The following KIAA0319 variants were observed in gnomAD, a reference collection of about 807,000 sequenced individuals.
The protein encoded by KIAA0319 is KIAA0319, also known as dyslexia-associated protein KIAA0319.
In KIAA0319, 83 loss-of-function variants were observed where a neutral mutation model predicts 108.4. The ratio of observed to expected loss-of-function variants is 0.77; its 90% CI spans 0.64 to 0.92. The LOEUF (loss-of-function observed/expected upper bound fraction) is 0.92. KIAA0319 is among the 40% of genes least tolerant of loss of function. The pLI, the probability that KIAA0319 is intolerant of heterozygous loss-of-function variation, is 0.00. For missense variants in KIAA0319, 1,195 were observed against 1,322.4 expected (o/e 0.90, Z 1.49); for synonymous variants, 484 against 510.4 (o/e 0.95, Z 0.70).
rs5874995 is a variant in KIAA0319 at position 24,622,319 on chromosome 6, T to TAAAA, written c.-105-21115_-105-21112dup. 3.7e-4 allele frequency among the ~76,000 whole-genome samples: 42 copies of TAAAA among 114,602 alleles called. No individual in the cohort carries two copies. In the East Asian group the frequency reaches 7.1e-3, roughly 19 times the overall value. The allele number at this position is 114,602 out of a possible 152,430, so 75.2% of individuals were successfully genotyped here. ...AAGGACTGCTAGACATTTGAGAAAT[T>TAAAA]AAAAAAAAAAAAAAAAAAGAACATG... is the stretch of plus-strand genomic sequence containing the variant. On this transcript the variant is annotated intron_variant, in intron 1 of 20. Transcript: ENST00000378214.
At chr6:24,586,735 T>C (rs73727341) in intron 4 of KIAA0319, among the ~76,000 whole-genome samples, 22 of 152,332 alleles carry the variant, frequency 1.4e-4, no homozygotes, top group African/African-American at 5.1e-4. Flanking sequence ...AACTTGTTTT[T>C]TTTTTCTCTC....
chr6:24,543,841 C>T (rs577261945), downstream of KIAA0319, among the ~76,000 whole-genome samples: 4 of 152,286 alleles, frequency 2.6e-5, no homozygotes, highest in East Asian at 1.9e-4. Context: ...CCTTCTGGCA[C>T]GAGGGACAGA....
intron 2 of KIAA0319, among the ~76,000 whole-genome samples, chr6:24,600,130 A>C (rs1025473971): frequency 2.0e-5 from 3 of 152,216 alleles, no homozygotes; most frequent in African/African-American, 7.2e-5. Flanking sequence ...AATACCTCAT[A>C]AGAAAAGGGC....
intron 20 of KIAA0319, among the ~76,000 whole-genome samples, chr6:24,550,621 A>T (rs1243726304): frequency 6.6e-6 from 1 of 152,190 alleles, no homozygotes; most frequent in African/African-American, 2.4e-5. Context: ...ATCAATGGCT[A>T]ATTAGATAAC....
At chr6:24,639,256 G>C (rs778179824) in intron 1 of KIAA0319, among the ~76,000 whole-genome samples, 4 of 152,126 alleles carry the variant, frequency 2.6e-5, no homozygotes, top group Non-Finnish European at 5.9e-5. Context: ...ACAAAGAGTA[G>C]ATCCTATAAG....
At chr6:24,548,694 GGTTT>G (rs1046808360) in intron 20 of KIAA0319, among the ~76,000 whole-genome samples, 6 of 152,156 alleles carry the variant, frequency 3.9e-5, no homozygotes, top group East Asian at 3.8e-4. Context: ...GAAAAAAACT[GGTTT>G]GTTTGGAGCA....
chr6:24,632,462 T>C (rs752787004), intron 1 of KIAA0319, among the ~76,000 whole-genome samples: 1 of 152,244 alleles, frequency 6.6e-6, no homozygotes. Context: ...AAGATGAAAA[T>C]GAGTCTGGTC....
chr6:24,582,377 T>C (rs1219722527), intron 5 of KIAA0319, 31 bp from the exon 6 acceptor site: 3 of 1,358,832 alleles, frequency 2.2e-6, no homozygotes, highest in South Asian at 1.2e-5. Flanking sequence ...TGAGTAGTTA[T>C]AAATTCTGAG....
chr6:24,590,241 C>A (rs1305437307), intron 3 of KIAA0319, among the ~76,000 whole-genome samples: 1 of 151,068 alleles, frequency 6.6e-6, no homozygotes, highest in South Asian at 2.1e-4. Context: ...CTACTGGGTT[C>A]CAGATATTTA....
chr6:24,578,264 A>T (rs746574495), intron 8 of KIAA0319, 22 bp from the exon 9 acceptor site: 1 of 1,532,630 alleles, frequency 6.5e-7, no homozygotes, highest in Non-Finnish European at 8.9e-7. Context: ...AGAAATAAAG[A>T]CAAGAATGAA....
At chr6:24,559,638 T>C (rs1427617753) in intron 16 of KIAA0319, among the ~76,000 whole-genome samples, 2 of 150,892 alleles carry the variant, frequency 1.3e-5, no homozygotes, top group East Asian at 3.9e-4. Context: ...AAAGGAGCAA[T>C]GTATAAATGT....
Position 24,576,445 on chromosome 6 carries a change from T to A in KIAA0319, c.1657A>T (p.Ser553Cys), listed in dbSNP as rs1411536935. The change falls in exon 10 of 21, where the codon AGC (serine) becomes TGC (cysteine). Residue 553 changes from serine to cysteine, a missense_variant. Transcript: ENST00000378214. The part of the protein sequence containing the change: ...QNSITLNGNQ[S>C]SDDHQIVLYE... ...AGGACAATCTGGTGATCGTCACTGCTCTGGTTTCCATTCAAAGTGATGGAG... is the reference window on the plus strand; with the variant it reads ...AGGACAATCTGGTGATCGTCACTGCACTGGTTTCCATTCAAAGTGATGGAG... The A allele has an allele frequency of 1.9e-6, 3 of 1,614,138 alleles. No homozygotes were observed. Among genetic ancestry groups the A allele is most frequent in the Non-Finnish European group, 2.5e-6 (3 of 1,180,024 alleles).
chr6:24,640,562 G>A (rs570805958), intron 1 of KIAA0319, among the ~76,000 whole-genome samples: 6 of 152,248 alleles, frequency 3.9e-5, no homozygotes, highest in South Asian at 2.1e-4. Context: ...AGAGATCTGC[G>A]CTTTATTTAG....
intron 17 of KIAA0319, among the ~76,000 whole-genome samples, chr6:24,558,006 C>T (rs1762537552): frequency 6.6e-6 from 1 of 152,000 alleles, no homozygotes; most frequent in African/African-American, 2.4e-5. Flanking sequence ...TAAAAATTTT[C>T]TTTGGATGGT....
At position 24,558,370 on chromosome 6, in the gene KIAA0319, TAG is replaced by T. The variant is rs149479574; in HGVS notation, c.2734+641_2734+642del. ...GTAGATGGATATATATATATCTAGA[TAG>T]ATAGATAGATAGATAGATAGATAGA... On this transcript the variant is annotated intron_variant, in intron 17 of 20. Coordinates refer to ENST00000378214, the MANE Select transcript of KIAA0319 (RefSeq NM_014809.4). Among the ~76,000 whole-genome samples the T allele has an allele frequency of 5.3e-3, 161 of 30,606 alleles. 1 individual carries two copies. Among genetic ancestry groups the T allele is most frequent in the Non-Finnish European group, 0.015 (121 of 8,004 alleles). The allele number at this position is 30,606 out of a possible 152,430, so 20.1% of individuals were successfully genotyped here. A position where few individuals can be genotyped will look rare whatever the true frequency, so the allele number is the denominator to read the frequency against.
chr6:24,596,050 C>G lies in KIAA0319; in HGVS notation c.624G>C (p.Glu208Asp). The change falls in exon 3 of 21, where the codon GAG (glutamate) becomes GAC (aspartate). Residue 208 changes from glutamate (E) to aspartate (D), a missense_variant. Transcript: ENST00000378214. The stretch of plus-strand genomic sequence containing the variant: ...AATGGAGCTCAGGGTCCTGCTGCGT[C>G]TCCGCTGGCACCGCAGGACTGTCTC... The part of the protein sequence containing the change: ...SVGDSPAVPA[E>D]TQQDPELHYL... The G allele has an allele frequency of 6.2e-7, 1 of 1,614,070 alleles. No homozygotes were observed. Among genetic ancestry groups the G allele is most frequent in the Non-Finnish European group, 8.5e-7 (1 of 1,179,956 alleles).
intron 1 of KIAA0319, among the ~76,000 whole-genome samples, chr6:24,636,694 T>C (rs565030995): frequency 6.6e-6 from 1 of 152,220 alleles, no homozygotes; most frequent in South Asian, 2.1e-4. Flanking sequence ...ATGGATGAGA[T>C]GATATTGAAG....
intron 13 of KIAA0319, among the ~76,000 whole-genome samples, chr6:24,567,196 A>G (rs1764019506): frequency 6.6e-6 from 1 of 152,024 alleles, no homozygotes; most frequent in Non-Finnish European, 1.5e-5. Flanking sequence ...AAAAAAAAGA[A>G]AAAAAAAATT....
Position 24,595,935 on chromosome 6 carries a change from CCT to C in KIAA0319, c.737_738del (p.Glu246GlyfsTer28). 1 of 1,613,946 alleles carries C rather than the reference CCT, an allele frequency of 6.2e-7. No homozygotes were observed. The highest frequency in any genetic ancestry group is 8.5e-7 in the Non-Finnish European group (1 of 1,179,916). ...TGAGAAGCCTTTTCTTTCTCCAACA[CCT>C]CTCCTGAAGATGGAGTAGTCGGCAA... ...LPLPTTPSSG[E>X]VLEKEKASQL... On this transcript the variant is annotated frameshift_variant, in exon 3 of 21. Coordinates refer to ENST00000378214, the MANE Select transcript of KIAA0319 (RefSeq NM_014809.4). LOFTEE classifies it high-confidence loss of function.
Sources: gnomAD v4.1 joint callset for allele counts (sites outside exome capture counted in the v4.1 genomes callset) on GRCh38, gnomAD v4.1.1 for gene constraint, MANE v1.5 for transcripts, NCBI Gene and HGNC (gene_info 2026-07-23, HGNC 2026-07-21) for gene names.